Variants in PLAC1 observed in about 807,000 individuals in gnomAD.
PLAC1 encodes the protein placenta-specific protein 1.
For missense variants in PLAC1, 136 were observed against 163.2 expected, an observed-to-expected ratio of 0.83 and a Z score of 0.91; for synonymous variants, 68 against 62.1, an observed-to-expected ratio of 1.09 and a Z score of -0.44.
chrX:134,756,561 C>T (rs1234609209), intron 1 of PLAC1, among the ~76,000 whole-genome samples: 1 of 110,464 alleles, frequency 9.1e-6, no homozygotes, highest in Non-Finnish European at 1.9e-5. Context: ...TTAAATATTA[C>T]ATTTTCGGCC....
intron 1 of PLAC1, among the ~76,000 whole-genome samples, chrX:134,606,977 G>A (rs1223316082): frequency 8.9e-6 from 1 of 111,874 alleles, no homozygotes; most frequent in African/African-American, 3.2e-5. Flanking sequence ...ACTCCACCAT[G>A]GTACAATATA....
Position 134,684,665 on chromosome X carries a change from A to G in PLAC1, n.174+48770T>C, listed in dbSNP as rs1422047848. Among the ~76,000 whole-genome samples, 5 of 111,222 alleles carry G rather than the reference A, an allele frequency of 4.5e-5. No individual in the cohort carries two copies. In the Admixed American group the frequency reaches 4.8e-4, roughly 11 times the overall value. On this transcript the variant is annotated intron_variant and non_coding_transcript_variant, in intron 2 of 2. Coordinates refer to the PLAC1 transcript ENST00000466797. ...TCTAAGAAGTTACCACTTCATTCTC[A>G]AGTAATAATTTAGGGCTATTTTCTT...
intron 1 of PLAC1, among the ~76,000 whole-genome samples, chrX:134,653,573 A>G (rs1481974227): frequency 9.0e-6 from 1 of 111,126 alleles, no homozygotes; most frequent in Non-Finnish European, 1.9e-5. Flanking sequence ...GGTGAGTTAG[A>G]TGCAGAGCTG....
At chrX:134,682,738 T>A (rs1438770686) in intron 2 of PLAC1, among the ~76,000 whole-genome samples, 1 of 110,637 alleles carries the variant, frequency 9.0e-6, no homozygotes, top group East Asian at 2.8e-4. Context: ...GTATTTTTAG[T>A]GGAGATGAGG....
chrX:134,723,921 T>C (rs2078666184), intron 2 of PLAC1, among the ~76,000 whole-genome samples: 1 of 110,010 alleles, frequency 9.1e-6, no homozygotes, highest in Non-Finnish European at 1.9e-5. Context: ...CAGGGAGTGC[T>C]AAGAATGGCA....
intron 2 of PLAC1, among the ~76,000 whole-genome samples, chrX:134,684,390 T>C (rs1010857793): frequency 1.1e-5 from 1 of 93,058 alleles, no homozygotes; most frequent in Non-Finnish European, 2.1e-5. Flanking sequence ...ATATCCTGAA[T>C]GTTACTGAGT....
chrX:134,757,676 C>T (rs1461679743), intron 1 of PLAC1, among the ~76,000 whole-genome samples: 2 of 110,943 alleles, frequency 1.8e-5, no homozygotes, highest in African/African-American at 6.6e-5. Flanking sequence ...CTTGGGTGTG[C>T]TAACAAAATT....
intron 2 of PLAC1, among the ~76,000 whole-genome samples, chrX:134,713,754 G>A (rs1311852297): frequency 8.9e-6 from 1 of 112,069 alleles, no homozygotes; most frequent in Non-Finnish European, 1.9e-5. Context: ...AGAGAAGACG[G>A]GCCTAATTAC....
In PLAC1 at chrX:134,646,476, C is replaced by T. The variant is rs545659633; in HGVS notation, c.-131+11852G>A. On this transcript the variant is annotated intron_variant, in intron 1 of 2. Coordinates refer to ENST00000359237, the MANE Select transcript of PLAC1 (RefSeq NM_021796.4). ...TTGCTGGTGACTTACATTTAGATTTCGAATCTCTCTCCAACATCAGGAGCA... is the reference window on the plus strand; with the variant it reads ...TTGCTGGTGACTTACATTTAGATTTTGAATCTCTCTCCAACATCAGGAGCA... Among the ~76,000 whole-genome samples the T allele has an allele frequency of 2.8e-4, 31 of 112,144 alleles. No homozygotes were observed. In the South Asian group the frequency reaches 0.01, roughly 36 times the overall value.
chrX:134,603,462 C>T (rs1294986294), intron 1 of PLAC1, among the ~76,000 whole-genome samples: 2 of 98,781 alleles, frequency 2.0e-5, no homozygotes, highest in Non-Finnish European at 4.1e-5. Flanking sequence ...CTCAGCCTCC[C>T]GAGTAGCTGG....
chrX:134,583,146 A>C (rs1157315154), intron 2 of PLAC1, among the ~76,000 whole-genome samples: 1 of 111,797 alleles, frequency 8.9e-6, no homozygotes, highest in Non-Finnish European at 1.9e-5. Context: ...AATTAGACTA[A>C]ACCACACATG....
At chrX:134,762,516 C>T (rs918598583) in intron 1 of PLAC1, among the ~76,000 whole-genome samples, 1 of 111,019 alleles carries the variant, frequency 9.0e-6, no homozygotes, top group Non-Finnish European at 1.9e-5. Flanking sequence ...AATATGTTCG[C>T]CTATGTATAG....
At chrX:134,678,474 C>G (rs773473221) in intron 2 of PLAC1, among the ~76,000 whole-genome samples, 2 of 111,848 alleles carry the variant, frequency 1.8e-5, no homozygotes, top group Non-Finnish European at 3.8e-5. Flanking sequence ...TCACCTCTTC[C>G]AAGAGGATTT....
chrX:134,660,193 C>T (rs978347185), upstream of PLAC1, among the ~76,000 whole-genome samples: 1 of 110,244 alleles, frequency 9.1e-6, no homozygotes, highest in Non-Finnish European at 1.9e-5. Flanking sequence ...CAACCTCCGC[C>T]TCCTGGGTTC....
At chrX:134,718,778 C>T (rs1352058477) in intron 2 of PLAC1, among the ~76,000 whole-genome samples, 1 of 111,710 alleles carries the variant, frequency 9.0e-6, no homozygotes, top group Non-Finnish European at 1.9e-5. Context: ...CTGGAGCCAT[C>T]CTGGGCAGTC....
At chrX:134,739,947 AT>A (rs1569413288) in intron 1 of PLAC1, among the ~76,000 whole-genome samples, 1 of 112,368 alleles carries the variant, frequency 8.9e-6, no homozygotes, top group Non-Finnish European at 1.9e-5. Context: ...ATACAGGAAT[AT>A]TCATAACCAC....
intron 1 of PLAC1, among the ~76,000 whole-genome samples, chrX:134,651,928 T>C (rs1451802054): frequency 9.0e-6 from 1 of 110,880 alleles, no homozygotes; most frequent in Non-Finnish European, 1.9e-5. Flanking sequence ...TAGAGCCAAA[T>C]ACTTTCCTTT....
intron 2 of PLAC1, among the ~76,000 whole-genome samples, chrX:134,575,852 T>C (rs957405333): frequency 1.8e-5 from 2 of 109,684 alleles, no homozygotes; most frequent in Non-Finnish European, 3.8e-5. Flanking sequence ...AAAAAGCAAT[T>C]GGTTAAACTT....
At chrX:134,590,216 T>TAAATAAATAATA (rs754519656) in intron 2 of PLAC1, among the ~76,000 whole-genome samples, 2 of 107,135 alleles carry the variant, frequency 1.9e-5, no homozygotes, top group Non-Finnish European at 3.9e-5. Flanking sequence ...AATAAATAAA[T>TAAATAAATAATA]AATAAATAAA....
Sources: allele counts gnomAD v4.1 joint callset (sites outside exome capture counted in the v4.1 genomes callset), GRCh38; gene constraint gnomAD v4.1.1; transcripts MANE v1.5; gene names NCBI Gene and HGNC (gene_info 2026-07-23, HGNC 2026-07-21).